F13A1: variants seen among roughly 807,000 people sequenced by gnomAD.
F13A1 encodes coagulation factor XIII A chain.
Under a neutral mutation model 80.1 loss-of-function variants are expected in F13A1, and 47 were observed. The observed-to-expected ratio is 0.59, with a 90% confidence interval of 0.46 to 0.75. F13A1 has a LOEUF of 0.75. Among genes scored for constraint, F13A1 ranks in the 30% least tolerant of loss-of-function variants. F13A1 has a pLI of 0.00. For missense variants in F13A1, 817 were observed against 930.4 expected, an observed-to-expected ratio of 0.88 and a Z score of 1.59; for synonymous variants, 349 against 344.9, an observed-to-expected ratio of 1.01 and a Z score of -0.13.
chr6:6,166,299 C>T (rs3024452), intron 13 of F13A1, among the ~76,000 whole-genome samples: 4,952 of 152,282 alleles, frequency 0.033, 170 homozygotes, highest in African/African-American at 0.088. Flanking sequence ...CCAGTAGTTA[C>T]CCAAGAAACA....
At chr6:6,224,124 G>C (rs1403178473) in intron 7 of F13A1, among the ~76,000 whole-genome samples, 1 of 152,134 alleles carries the variant, frequency 6.6e-6, no homozygotes, top group Non-Finnish European at 1.5e-5. Flanking sequence ...AAACTGGAGA[G>C]GGAAAGATTG....
chr6:6,214,209 A>T (rs1761677503), intron 8 of F13A1, among the ~76,000 whole-genome samples: 1 of 148,466 alleles, frequency 6.7e-6, no homozygotes, highest in South Asian at 2.2e-4. Flanking sequence ...TCTCCACCCC[A>T]AATCAACAGA....
intron 13 of F13A1, among the ~76,000 whole-genome samples, chr6:6,159,887 A>G (rs1177159626): frequency 6.6e-6 from 1 of 152,086 alleles, no homozygotes; most frequent in African/African-American, 2.4e-5. Flanking sequence ...CTCAGGTTAA[A>G]ACAGAGCAAC....
At chr6:6,218,083 T>C (rs1757130742) in intron 8 of F13A1, among the ~76,000 whole-genome samples, 1 of 152,116 alleles carries the variant, frequency 6.6e-6, no homozygotes, top group Admixed American at 6.5e-5. Flanking sequence ...ACACCAACCC[T>C]CACCCAGAAT....
chr6:6,288,552 T>G (rs866484484), intron 3 of F13A1, among the ~76,000 whole-genome samples: 14 of 152,352 alleles, frequency 9.2e-5, no homozygotes, highest in Middle Eastern at 6.8e-3. Context: ...TACCACATTT[T>G]CTTTATCCAT....
chr6:6,149,206 A>G (rs1359721538), intron 14 of F13A1, among the ~76,000 whole-genome samples: 1 of 152,214 alleles, frequency 6.6e-6, no homozygotes, highest in Non-Finnish European at 1.5e-5. Flanking sequence ...GCTAGAAGAC[A>G]GGCTTTTGAA....
At chr6:6,193,316 G>C (rs1252055403) in intron 10 of F13A1, among the ~76,000 whole-genome samples, 1 of 152,138 alleles carries the variant, frequency 6.6e-6, no homozygotes, top group Non-Finnish European at 1.5e-5. Context: ...GATCAAGCCT[G>C]GAAATGAGTA....
intron 1 of F13A1, 48 bp downstream of exon 1, chr6:6,320,539 G>A (rs1462015202): frequency 7.4e-6 from 3 of 406,404 alleles, no homozygotes; most frequent in African/African-American, 6.3e-5. Flanking sequence ...GGTGCAGAAG[G>A]TGGACGCAGC....
chr6:6,166,199 G>A (rs940917673), intron 13 of F13A1, among the ~76,000 whole-genome samples: 1 of 152,238 alleles, frequency 6.6e-6, no homozygotes, highest in African/African-American at 2.4e-5. Context: ...TTTCTCATCT[G>A]TAAAGTGATG....
chr6:6,169,491 G>C (rs1219158584), intron 12 of F13A1: 3 of 154,200 alleles, frequency 1.9e-5, no homozygotes, highest in African/African-American at 7.2e-5. Flanking sequence ...GGCAGAGTTA[G>C]GGTGGACTGA....
chr6:6,194,918 C>T (rs971742433), intron 10 of F13A1, among the ~76,000 whole-genome samples: 48 of 152,114 alleles, frequency 3.2e-4, no homozygotes, highest in African/African-American at 1.1e-3. Context: ...CTCTTTGCCT[C>T]GATTTTATTT....
At chr6:6,284,020 C>T (rs967426716) in intron 3 of F13A1, among the ~76,000 whole-genome samples, 4 of 152,192 alleles carry the variant, frequency 2.6e-5, no homozygotes, top group Non-Finnish European at 5.9e-5. Flanking sequence ...TTGAGTACCA[C>T]AAGGCCAGGT....
chr6:6,309,563 G>A (rs886338055), intron 2 of F13A1, among the ~76,000 whole-genome samples: 13 of 152,276 alleles, frequency 8.5e-5, no homozygotes, highest in East Asian at 3.9e-4. Flanking sequence ...TGGGAGCCAC[G>A]GTGGAAGAGT....
intron 3 of F13A1, among the ~76,000 whole-genome samples, chr6:6,280,271 G>T (rs1033593319): frequency 2.0e-5 from 3 of 152,042 alleles, no homozygotes; most frequent in Admixed American, 1.3e-4. Context: ...GTGCTCAATG[G>T]GTTTATAATT....
intron 4 of F13A1, 97 bp downstream of exon 4, chr6:6,266,461 C>G: frequency 6.3e-7 from 1 of 1,592,582 alleles, no homozygotes; most frequent in Non-Finnish European, 8.6e-7. Context: ...ATCCTCCCAT[C>G]TTGGCCTCCC....
At chr6:6,273,228 A>G (rs1757945137) in intron 3 of F13A1, among the ~76,000 whole-genome samples, 1 of 152,218 alleles carries the variant, frequency 6.6e-6, no homozygotes, top group African/African-American at 2.4e-5. Flanking sequence ...AACTGAACTG[A>G]AGACATTGTC....
chr6:6,162,986 T>C lies in F13A1; in HGVS notation c.1908+4472A>G, dbSNP rs1189902007. 2.0e-5 allele frequency among the ~76,000 whole-genome samples: 3 copies of C among 152,204 alleles called. No homozygotes were observed. Among genetic ancestry groups the C allele is most frequent in the Non-Finnish European group, 4.4e-5 (3 of 68,040 alleles). Reference sequence around the variant, plus strand: ...TTGTAGGATGGTATAGAGGGTTAAATAAGATCATAGAAGAGAGGCGTTTAA... The same window carrying C: ...TTGTAGGATGGTATAGAGGGTTAAACAAGATCATAGAAGAGAGGCGTTTAA... On this transcript the variant is annotated intron_variant, in intron 13 of 14. Transcript: ENST00000264870. This position sits in a 1 kb window ranked among gnomAD's most constrained non-coding sequence, Gnocchi z 4.2.
intron 3 of F13A1, among the ~76,000 whole-genome samples, chr6:6,268,929 T>A (rs937112872): frequency 2.6e-5 from 4 of 151,324 alleles, no homozygotes; most frequent in Admixed American, 2.6e-4. Context: ...ACCTCAGGTG[T>A]TCCCCCCCGC....
At chr6:6,268,625 T>C (rs993899910) in intron 3 of F13A1, among the ~76,000 whole-genome samples, 12 of 152,170 alleles carry the variant, frequency 7.9e-5, no homozygotes, top group Admixed American at 6.5e-5. Context: ...AGACAATAGA[T>C]TTTATAATAT....
Sources: gnomAD v4.1 joint callset for allele counts (sites outside exome capture counted in the v4.1 genomes callset) on GRCh38, gnomAD v4.1.1 for gene constraint, Gnocchi (gnomAD v3.1) non-coding constraint, MANE v1.5 for transcripts, NCBI Gene and HGNC (gene_info 2026-07-23, HGNC 2026-07-21) for gene names.